Variants in LIN7A observed in about 807,000 individuals in gnomAD.
LIN7A encodes the protein protein lin-7 homolog A.
A neutral mutation model predicts 29.8 loss-of-function variants in LIN7A; 25 were observed. That is an observed-to-expected ratio of 0.84 (90% CI 0.61 to 1.17). The LOEUF is 1.17. Ranked by LOEUF, LIN7A falls within the 50% of genes most tolerant of loss-of-function variation. The probability of loss-of-function intolerance (pLI) is 0.00; values close to 1 mark genes in which losing one functional copy is unlikely to be tolerated. For synonymous variants in LIN7A, 118 were observed against 107.5 expected (o/e 1.10, Z -0.60); for missense variants, 239 against 287.0 (o/e 0.83, Z 1.21).
chr12:80,842,244 G>A, intron 4 of LIN7A: 4 of 616,226 alleles, frequency 6.5e-6, no homozygotes, highest in Non-Finnish European at 7.0e-6. Context: ...ATAGTTCTGT[G>A]TGTGTATATA....
At chr12:80,841,941 T>C (rs2121542920) in intron 4 of LIN7A, 2 of 1,073,652 alleles carry the variant, frequency 1.9e-6, no homozygotes, top group East Asian at 1.8e-4. Flanking sequence ...TCACTGAGGA[T>C]TGATATAAGA....
chr12:80,811,624 G>A lies in LIN7A; in HGVS notation c.543C>T (p.Ser181=), dbSNP rs781184338. The stretch of plus-strand genomic sequence containing the variant: ...GGGTGTATCGCACCACCAGCTTGAC[G>A]CTGTCTTTAGCAGCCTTGAGTAGTT... ...AVELLKAAKD[S]VKLVVRYTPK... is the part of the protein sequence containing the mutation. Residue 181 remains serine (S), a synonymous_variant, in exon 5 of 6, where the codon AGC becomes AGT. Coordinates refer to ENST00000552864, the MANE Select transcript of LIN7A (RefSeq NM_004664.4). 26 of 1,613,844 alleles carry A rather than the reference G, an allele frequency of 1.6e-5. No homozygotes were observed. The highest frequency in any genetic ancestry group is 2.0e-5 in the Non-Finnish European group (24 of 1,179,936).
At chr12:80,882,535 C>T (rs142233518) in intron 2 of LIN7A, among the ~76,000 whole-genome samples, 61 of 151,734 alleles carry the variant, frequency 4.0e-4, no homozygotes, top group Admixed American at 1.3e-3. Flanking sequence ...CCGCCCGCCT[C>T]GGCCTCCCAA....
chr12:80,874,533 A>G (rs1874586475), intron 2 of LIN7A, among the ~76,000 whole-genome samples: 1 of 152,208 alleles, frequency 6.6e-6, no homozygotes, highest in African/African-American at 2.4e-5. Flanking sequence ...ATAAGACAAT[A>G]CATTGTGTTG....
intron 4 of LIN7A, among the ~76,000 whole-genome samples, chr12:80,835,386 A>G (rs1007706242): frequency 1.3e-5 from 2 of 152,170 alleles, no homozygotes; most frequent in African/African-American, 4.8e-5. Flanking sequence ...TCAGTCCTGC[A>G]GATATAAAGA....
chr12:80,809,092 T>G (rs1871171594), intron 5 of LIN7A, among the ~76,000 whole-genome samples: 1 of 151,700 alleles, frequency 6.6e-6, no homozygotes, highest in South Asian at 2.1e-4. Flanking sequence ...TTCAAGCAAT[T>G]CTCCTGCCTC....
At chr12:80,921,506 T>C (rs1877302615) in intron 1 of LIN7A, among the ~76,000 whole-genome samples, 2 of 137,506 alleles carry the variant, frequency 1.5e-5, no homozygotes, top group Non-Finnish European at 3.1e-5. Flanking sequence ...TCTGGATCTG[T>C]CTTCACAAGT....
At chr12:80,881,290 A>C (rs1246397320) in intron 2 of LIN7A, among the ~76,000 whole-genome samples, 1 of 152,218 alleles carries the variant, frequency 6.6e-6, no homozygotes, top group Non-Finnish European at 1.5e-5. Flanking sequence ...CACATTTAGC[A>C]ATGCAAATAA....
In LIN7A at chr12:80,848,340, AAAG is replaced by A. The variant is rs1334480778; in HGVS notation, c.202-21_202-19del. 3 of 1,517,704 alleles carry A rather than the reference AAAG, an allele frequency of 2.0e-6. No homozygotes were observed. The highest frequency in any genetic ancestry group is 2.7e-6 in the Non-Finnish European group (3 of 1,092,728). The allele number at this position is 1,517,704 out of a possible 1,614,324, so 94.0% of individuals were successfully genotyped here. ...TGATACACCTAAAATGTTCACATAA[AAAG>A]AAGAATGTGTAAGAACATGAAGAAT... On this transcript the variant is annotated intron_variant, in intron 2 of 5. Transcript: ENST00000552864.
intron 2 of LIN7A, among the ~76,000 whole-genome samples, chr12:80,878,159 G>A (rs1452489474): frequency 3.3e-5 from 5 of 152,142 alleles, no homozygotes; most frequent in Admixed American, 2.0e-4. Context: ...TGATTTTTAA[G>A]GGTCTGTTTA....
intron 1 of LIN7A, among the ~76,000 whole-genome samples, chr12:80,891,334 T>A (rs953083471): frequency 1.3e-5 from 2 of 152,134 alleles, no homozygotes; most frequent in African/African-American, 4.8e-5. Flanking sequence ...CCCTACAGAG[T>A]AAAGTTCAGA....
chr12:80,898,619 G>C (rs1186020399), intron 1 of LIN7A, among the ~76,000 whole-genome samples: 1 of 27,748 alleles, frequency 3.6e-5, no homozygotes, highest in African/African-American at 4.5e-5. Context: ...CATGAGCAGA[G>C]TATGTTTTTT....
chr12:80,876,996 C>T (rs1435581422), intron 2 of LIN7A, among the ~76,000 whole-genome samples: 1 of 151,564 alleles, frequency 6.6e-6, no homozygotes, highest in Admixed American at 6.6e-5. Flanking sequence ...GTGGCACATG[C>T]CTGTAATTCC....
intron 1 of LIN7A, among the ~76,000 whole-genome samples, chr12:80,903,193 A>G (rs1182661861): frequency 1.3e-5 from 2 of 151,988 alleles, no homozygotes; most frequent in African/African-American, 4.8e-5. Flanking sequence ...ATTTTATAAT[A>G]ATAAAATAAA....
intron 1 of LIN7A, among the ~76,000 whole-genome samples, chr12:80,918,534 A>G (rs953513863): frequency 6.6e-6 from 1 of 151,514 alleles, no homozygotes; most frequent in East Asian, 1.9e-4. Context: ...CCCTTCATCT[A>G]CTCTTACTAA....
intron 1 of LIN7A, among the ~76,000 whole-genome samples, chr12:80,929,032 C>T (rs961984542): frequency 6.6e-6 from 1 of 151,914 alleles, no homozygotes; most frequent in Non-Finnish European, 1.5e-5. Flanking sequence ...ATTTAATTTT[C>T]CAGAGAGTTT....
chr12:80,896,761 A>G (rs1166272528), intron 1 of LIN7A, among the ~76,000 whole-genome samples: 1 of 152,212 alleles, frequency 6.6e-6, no homozygotes, highest in East Asian at 1.9e-4. Flanking sequence ...AGTGTATCAC[A>G]AAAAAAGTCT....
chr12:80,921,220 C>T (rs561292000), intron 1 of LIN7A, among the ~76,000 whole-genome samples: 1 of 152,138 alleles, frequency 6.6e-6, no homozygotes, highest in African/African-American at 2.4e-5. Context: ...AGGCCCTAAA[C>T]AGACATGGAA....
intron 2 of LIN7A, among the ~76,000 whole-genome samples, chr12:80,881,673 TCTTA>T (rs1429571455): frequency 1.3e-5 from 2 of 152,136 alleles, no homozygotes; most frequent in African/African-American, 2.4e-5. Flanking sequence ...ATATGTTTGC[TCTTA>T]CTTAACCTAC....
Sources: allele counts gnomAD v4.1 joint callset (sites outside exome capture counted in the v4.1 genomes callset), GRCh38; gene constraint gnomAD v4.1.1; transcripts MANE v1.5; gene names NCBI Gene and HGNC (gene_info 2026-07-23, HGNC 2026-07-21).